Variants in FGF12 observed in about 807,000 individuals in gnomAD.
The protein encoded by FGF12 is fibroblast growth factor 12B.
Under a neutral mutation model 23.6 loss-of-function variants are expected in FGF12, and 14 were observed. The observed-to-expected ratio is 0.59, with a 90% CI of 0.39 to 0.93. The LOEUF (loss-of-function observed/expected upper bound fraction) is 0.93, where lower values mean the gene tolerates loss of function less well. Among genes scored for constraint, FGF12 ranks in the 40% least tolerant of loss-of-function variants. The pLI is 0.00. For synonymous variants in FGF12, 62 were observed against 77.3 expected, an observed-to-expected ratio of 0.80 and a Z score of 1.04; for missense variants, 175 against 217.8, an observed-to-expected ratio of 0.80 and a Z score of 1.24.
intron 4 of FGF12, among the ~76,000 whole-genome samples, chr3:192,331,311 C>CAAAAAAAAAAAAAAAAAAAAA (rs201997868): frequency 8.3e-5 from 8 of 95,986 alleles, no homozygotes; most frequent in Non-Finnish European, 1.4e-4. Flanking sequence ...GGAGTTTTCT[C>CAAAAAAAAAAAAAAAAAAAAA]AAAAAAAAAA....
intron 2 of FGF12, among the ~76,000 whole-genome samples, chr3:192,698,334 T>C (rs1452875383): frequency 1.3e-5 from 2 of 152,202 alleles, no homozygotes; most frequent in Non-Finnish European, 1.5e-5. Flanking sequence ...AGGAGATAAA[T>C]GAAGTCAGTA....
intron 2 of FGF12, among the ~76,000 whole-genome samples, chr3:192,711,539 G>A (rs1718680993): frequency 6.6e-6 from 1 of 152,196 alleles, no homozygotes; most frequent in Non-Finnish European, 1.5e-5. Flanking sequence ...AGAGAAATCA[G>A]ATTGTTGCTG....
chr3:192,675,108 T>C (rs1171238814), intron 2 of FGF12, among the ~76,000 whole-genome samples: 2 of 152,104 alleles, frequency 1.3e-5, no homozygotes, highest in Non-Finnish European at 2.9e-5. Context: ...GAGACAGTCT[T>C]AGGGATAGAG....
intron 2 of FGF12, among the ~76,000 whole-genome samples, chr3:192,505,312 G>T (rs537329473): frequency 6.6e-6 from 1 of 152,166 alleles, no homozygotes; most frequent in Non-Finnish European, 1.5e-5. Flanking sequence ...CCTCATTCCC[G>T]CTGCTTCAGA....
chr3:192,160,029 C>T (rs1213184780), intron 5 of FGF12, among the ~76,000 whole-genome samples: 2 of 152,006 alleles, frequency 1.3e-5, no homozygotes, highest in Non-Finnish European at 2.9e-5. Context: ...TCATGCCTAA[C>T]ACCTAAAAGT....
chr3:192,358,931 T>A (rs530608545), intron 3 of FGF12, among the ~76,000 whole-genome samples: 1 of 152,286 alleles, frequency 6.6e-6, no homozygotes, highest in South Asian at 2.1e-4. Flanking sequence ...ACTAGTAATA[T>A]CTTGGAGTTA....
intron 2 of FGF12, among the ~76,000 whole-genome samples, chr3:192,420,501 T>C (rs1258372814): frequency 6.6e-6 from 1 of 152,126 alleles, no homozygotes; most frequent in Non-Finnish European, 1.5e-5. Context: ...AGATTCCTCA[T>C]AAATGGCTTG....
chr3:192,245,184 C>T (rs1711508479), intron 4 of FGF12, among the ~76,000 whole-genome samples: 1 of 152,330 alleles, frequency 6.6e-6, no homozygotes, highest in Non-Finnish European at 1.5e-5. Flanking sequence ...CAGCCTTGAA[C>T]TCCTGGGCTC....
intron 2 of FGF12, among the ~76,000 whole-genome samples, chr3:192,374,326 T>C (rs1189842856): frequency 6.6e-6 from 1 of 152,194 alleles, no homozygotes; most frequent in Non-Finnish European, 1.5e-5. Context: ...ATGGATCACC[T>C]GTGTAGTCAT....
chr3:192,501,174 GAC>G (rs1433522073), intron 2 of FGF12, among the ~76,000 whole-genome samples: 1 of 152,052 alleles, frequency 6.6e-6, no homozygotes, highest in Non-Finnish European at 1.5e-5. Context: ...GGACTGGAGG[GAC>G]ACACACCAAA....
At chr3:192,561,088 A>G (rs985198119) in intron 2 of FGF12, among the ~76,000 whole-genome samples, 1 of 152,188 alleles carries the variant, frequency 6.6e-6, no homozygotes, top group Non-Finnish European at 1.5e-5. Flanking sequence ...TGATATGCCC[A>G]GAACAGGAAA....
chr3:192,293,175 G>T (rs540702445), intron 4 of FGF12, among the ~76,000 whole-genome samples: 1 of 152,148 alleles, frequency 6.6e-6, no homozygotes, highest in Admixed American at 6.6e-5. Flanking sequence ...GAAAGAGAGA[G>T]ATTTCATTTA....
At chr3:192,479,772 T>C (rs1477203557) in intron 2 of FGF12, among the ~76,000 whole-genome samples, 2 of 152,294 alleles carry the variant, frequency 1.3e-5, no homozygotes, top group African/African-American at 4.8e-5. Context: ...TAAGTTGCAT[T>C]TCCCATCCCC....
intron 4 of FGF12, among the ~76,000 whole-genome samples, chr3:192,230,657 C>G (rs1235907535): frequency 6.6e-6 from 1 of 152,138 alleles, no homozygotes; most frequent in Non-Finnish European, 1.5e-5. Context: ...AGCACCCACA[C>G]TTCATTTTGA....
At chr3:192,439,485 T>C (rs1228010480) in intron 2 of FGF12, among the ~76,000 whole-genome samples, 1 of 152,202 alleles carries the variant, frequency 6.6e-6, no homozygotes, top group Non-Finnish European at 1.5e-5. Context: ...CTTGGATCAA[T>C]CATTCAACAA....
intron 4 of FGF12, among the ~76,000 whole-genome samples, chr3:192,259,602 A>C (rs1445062536): frequency 6.6e-6 from 1 of 152,178 alleles, no homozygotes; most frequent in Non-Finnish European, 1.5e-5. Context: ...GTTTTAGGAA[A>C]TGTTTGTAAG....
At chr3:192,417,357 CAA>C (rs35195568) in intron 2 of FGF12, among the ~76,000 whole-genome samples, 188 of 131,254 alleles carry the variant, frequency 1.4e-3, no homozygotes, top group Admixed American at 1.9e-3. Context: ...AATTCATTAC[CAA>C]AAAAAAAAAA....
intron 2 of FGF12, among the ~76,000 whole-genome samples, chr3:192,586,332 C>T (rs1173955490): frequency 6.6e-6 from 1 of 152,160 alleles, no homozygotes; most frequent in African/African-American, 2.4e-5. Context: ...TTATGAGCTA[C>T]CTAATGAACT....
chr3:192,310,462 T>A lies in FGF12; in HGVS notation c.228+24899A>T, dbSNP rs371236599. Among the ~76,000 whole-genome samples the A allele has an allele frequency of 4.8e-4, 73 of 152,300 alleles. No individual in the cohort carries two copies. The East Asian group carries it at 7.3e-3, about 15-fold the overall frequency. ...AATATTTATACTTAAAACTGCACCA[T>A]AAATTGCAATTTGCAAATACTTATG... On this transcript the variant is annotated intron_variant, in intron 4 of 5. Coordinates refer to ENST00000445105, the MANE Select transcript of FGF12 (RefSeq NM_004113.6).
Sources: gnomAD v4.1 joint callset for allele counts (sites outside exome capture counted in the v4.1 genomes callset) on GRCh38, gnomAD v4.1.1 for gene constraint, MANE v1.5 for transcripts, NCBI Gene and HGNC (gene_info 2026-07-23, HGNC 2026-07-21) for gene names.